The following DOCK1 variants were observed in gnomAD, a reference collection of about 807,000 sequenced individuals.
DOCK1 encodes dedicator of cytokinesis 1.
Under a neutral mutation model 262.7 loss-of-function variants are expected in DOCK1, and 138 were observed. The observed-to-expected ratio is 0.53, with a 90% confidence interval of 0.46 to 0.61. The LOEUF (loss-of-function observed/expected upper bound fraction) is 0.61, where lower values mean the gene tolerates loss of function less well. Ranked by LOEUF, DOCK1 falls within the 20% of genes least tolerant of loss-of-function variation. The pLI, the probability that DOCK1 is intolerant of heterozygous loss-of-function variation, is 0.00. For synonymous variants in DOCK1, 866 were observed against 867.4 expected (o/e 1.00, Z 0.03); for missense variants, 1,908 against 2,370.7 (o/e 0.80, Z 4.05).
At chr10:126,938,467 G>A (rs1410195490) in intron 1 of DOCK1, among the ~76,000 whole-genome samples, 1 of 152,138 alleles carries the variant, frequency 6.6e-6, no homozygotes, top group Non-Finnish European at 1.5e-5. Flanking sequence ...TATACGTGAG[G>A]ATTTATTTCC....
rs2486967 is a variant in DOCK1 at position 127,132,830 on chromosome 10, C to T, written c.2847+5066C>T. On this transcript the variant is annotated intron_variant, in intron 27 of 51. Transcript: ENST00000623213. ...TAATCGAGTGAGAAGGACTTCTAAACATTTTTCTTTGGCCTGGATACACAC... is the reference window on the plus strand; with the variant it reads ...TAATCGAGTGAGAAGGACTTCTAAATATTTTTCTTTGGCCTGGATACACAC... 6.5e-3 allele frequency among the ~76,000 whole-genome samples: 996 copies of T among 152,324 alleles called. 4 individuals carry two copies. Among genetic ancestry groups the T allele is most frequent in the Admixed American group, 0.012 (179 of 15,308 alleles).
chr10:126,979,198 T>C (rs920677068), intron 3 of DOCK1, among the ~76,000 whole-genome samples: 13 of 152,172 alleles, frequency 8.5e-5, no homozygotes, highest in Admixed American at 7.2e-4. Flanking sequence ...AAAGTTCTAT[T>C]TTCACATTGG....
chr10:127,139,485 G>A, intron 27 of DOCK1, among the ~76,000 whole-genome samples: 1 of 151,990 alleles, frequency 6.6e-6, no homozygotes, highest in Non-Finnish European at 1.5e-5. Flanking sequence ...GAGCCTCTTT[G>A]AGTTATGCTC....
chr10:127,303,810 G>C (rs753253610), intron 29 of DOCK1, among the ~76,000 whole-genome samples: 5 of 152,190 alleles, frequency 3.3e-5, no homozygotes, highest in Non-Finnish European at 7.3e-5. Flanking sequence ...AGTGAGCTGT[G>C]ATCCCACCAC....
chr10:127,382,795 T>C (rs931013900), intron 37 of DOCK1, among the ~76,000 whole-genome samples: 1 of 152,250 alleles, frequency 6.6e-6, no homozygotes, highest in Non-Finnish European at 1.5e-5. Flanking sequence ...CATGTGTGAA[T>C]GTAAAACATA....
At position 127,352,348 on chromosome 10, in the gene DOCK1, A is replaced by G. The variant is rs1368965907; in HGVS notation, c.3225-2321A>G. Among the ~76,000 whole-genome samples the G allele has an allele frequency of 2.0e-5, 3 of 151,144 alleles. No homozygotes were observed. The South Asian group carries it at 6.4e-4, about 32-fold the overall frequency. On this transcript the variant is annotated intron_variant, in intron 31 of 51. Coordinates refer to ENST00000623213, the MANE Select transcript of DOCK1 (RefSeq NM_001290223.2). ...GGGAGGGGCAAAGAGGATGGGGAGG[A>G]GCGGATGCACCTGGCCTCCCAAATC...
intron 1 of DOCK1, among the ~76,000 whole-genome samples, chr10:126,927,031 G>A (rs538692768): frequency 1.3e-5 from 2 of 152,214 alleles, no homozygotes; most frequent in Non-Finnish European, 2.9e-5. Flanking sequence ...TTGAGAAGGA[G>A]AGACTTGTAG....
intron 27 of DOCK1, among the ~76,000 whole-genome samples, chr10:127,156,260 A>T (rs571241352): frequency 1.7e-4 from 26 of 152,286 alleles, no homozygotes; most frequent in Admixed American, 1.6e-3. Context: ...CCCCACTTAC[A>T]GAGGAGCATA....
intron 27 of DOCK1, among the ~76,000 whole-genome samples, chr10:127,178,591 C>G (rs1457661045): frequency 6.6e-6 from 1 of 152,192 alleles, no homozygotes; most frequent in Non-Finnish European, 1.5e-5. Context: ...TTCGATTATC[C>G]TATAGTGTGT....
intron 9 of DOCK1, among the ~76,000 whole-genome samples, chr10:126,999,955 G>A (rs2040471391): frequency 6.6e-6 from 1 of 152,210 alleles, no homozygotes; most frequent in Non-Finnish European, 1.5e-5. Context: ...GATTACAGGT[G>A]TGAGGCACTG....
intron 31 of DOCK1, among the ~76,000 whole-genome samples, chr10:127,347,356 C>T (rs555814368): frequency 6.6e-5 from 10 of 152,278 alleles, no homozygotes; most frequent in African/African-American, 2.2e-4. Flanking sequence ...GAGTGGGGCA[C>T]GCATGCAGTG....
chr10:127,048,957 G>A (rs1011686332), intron 21 of DOCK1, among the ~76,000 whole-genome samples: 40 of 152,246 alleles, frequency 2.6e-4, no homozygotes, highest in African/African-American at 9.4e-4. Flanking sequence ...GAACAAACGT[G>A]GCTGTCTCTT....
intron 38 of DOCK1, among the ~76,000 whole-genome samples, chr10:127,397,342 T>C (rs1182201449): frequency 2.9e-5 from 4 of 138,938 alleles, no homozygotes; most frequent in African/African-American, 2.7e-5. Flanking sequence ...ACACGGGCGG[T>C]GTCTCCTATG....
At chr10:127,438,752 A>G (rs189987872) in intron 48 of DOCK1, among the ~76,000 whole-genome samples, 1 of 152,342 alleles carries the variant, frequency 6.6e-6, no homozygotes, top group African/African-American at 2.4e-5. Flanking sequence ...CCCATCGTAA[A>G]TGAACAATTC....
intron 1 of DOCK1, among the ~76,000 whole-genome samples, chr10:126,968,228 T>C (rs1464593993): frequency 2.0e-5 from 3 of 152,032 alleles, no homozygotes; most frequent in Non-Finnish European, 4.4e-5. Context: ...ATCCTTCCGC[T>C]CCTCTCTCCT....
chr10:127,294,090 A>T (rs2061428548), intron 29 of DOCK1, among the ~76,000 whole-genome samples: 1 of 152,158 alleles, frequency 6.6e-6, no homozygotes, highest in Non-Finnish European at 1.5e-5. Context: ...GCAGGTGACC[A>T]CTTGTCTCAG....
chr10:127,230,195 T>G (rs2058790195), intron 27 of DOCK1, among the ~76,000 whole-genome samples: 1 of 152,198 alleles, frequency 6.6e-6, no homozygotes. Context: ...ATTGCAAATA[T>G]TTTCTCCCAT....
chr10:127,305,388 G>A (rs531844902), intron 29 of DOCK1, among the ~76,000 whole-genome samples: 20 of 152,282 alleles, frequency 1.3e-4, no homozygotes, highest in African/African-American at 4.6e-4. Context: ...GTATCCCGAG[G>A]CATTGCAAAT....
At chr10:127,079,666 C>T (rs994627426) in intron 23 of DOCK1, among the ~76,000 whole-genome samples, 1 of 152,154 alleles carries the variant, frequency 6.6e-6, no homozygotes, top group African/African-American at 2.4e-5. Flanking sequence ...TGAGGTGGCT[C>T]ATGCTTATAA....
Sources: allele counts gnomAD v4.1 joint callset (sites outside exome capture counted in the v4.1 genomes callset), GRCh38; gene constraint gnomAD v4.1.1; transcripts MANE v1.5; gene names NCBI Gene and HGNC (gene_info 2026-07-23, HGNC 2026-07-21).